Variants in LAMC2 observed in about 807,000 individuals in gnomAD.
The protein encoded by LAMC2 is laminin subunit gamma 2.
In LAMC2, 97 loss-of-function variants were observed where a neutral mutation model predicts 140.2. That is an observed-to-expected ratio of 0.69 (90% CI 0.59 to 0.82). LAMC2 has a LOEUF of 0.82. LAMC2 is among the 40% of genes least tolerant of loss of function. The probability of loss-of-function intolerance (pLI) is 0.00; values close to 1 mark genes in which losing one functional copy is unlikely to be tolerated. For missense variants in LAMC2, 1,402 were observed against 1,476.1 expected (o/e 0.95, Z 0.82); for synonymous variants, 513 against 540.2 (o/e 0.95, Z 0.70).
chr1:183,210,272 A>T (rs1659031523), intron 2 of LAMC2, among the ~76,000 whole-genome samples: 2 of 152,180 alleles, frequency 1.3e-5, no homozygotes, highest in African/African-American at 4.8e-5. Flanking sequence ...GCAAATCTGG[A>T]CACAACCACC....
intron 1 of LAMC2, among the ~76,000 whole-genome samples, chr1:183,197,592 C>T (rs1233035967): frequency 4.0e-5 from 6 of 151,370 alleles, no homozygotes; most frequent in South Asian, 4.2e-4. Flanking sequence ...AGGAGAATGG[C>T]GTGAACCTGG....
chr1:183,237,627 C>T (rs1407714393), intron 18 of LAMC2, 123 bp downstream of exon 18: 1 of 1,045,962 alleles, frequency 9.6e-7, no homozygotes, highest in Non-Finnish European at 1.4e-6. Flanking sequence ...CCCTGTAATC[C>T]CCGCACTTTT....
chr1:183,236,050 AT>A (rs1659951940), intron 16 of LAMC2, among the ~76,000 whole-genome samples: 1 of 152,092 alleles, frequency 6.6e-6, no homozygotes. Context: ...ACAGAAATAT[AT>A]TTCTGTTATC....
At chr1:183,190,399 G>A (rs560226195) in intron 1 of LAMC2, among the ~76,000 whole-genome samples, 1 of 152,046 alleles carries the variant, frequency 6.6e-6, no homozygotes, top group African/African-American at 2.4e-5. Context: ...TTCTGCTCAA[G>A]CAGACATGAG....
At chr1:183,256,869 A>G in the LAMC2 span, among the ~76,000 whole-genome samples, 1 of 152,022 alleles carries the variant, frequency 6.6e-6, no homozygotes, top group Non-Finnish European at 1.5e-5. Context: ...CTTCTGCCTC[A>G]GCCTCCCAAG....
intron 1 of LAMC2, among the ~76,000 whole-genome samples, chr1:183,195,627 G>A (rs895983082): frequency 6.6e-6 from 1 of 152,100 alleles, no homozygotes; most frequent in African/African-American, 2.4e-5. Context: ...TGGCTGTGGT[G>A]GCTTAAAATG....
Position 183,236,512 on chromosome 1 carries a change from G to A in LAMC2, c.2509G>A (p.Ala837Thr), listed in dbSNP as rs1472208749. 2 of 1,613,772 alleles carry A rather than the reference G, an allele frequency of 1.2e-6. No individual in the cohort carries two copies. Among genetic ancestry groups the A allele is most frequent in the Non-Finnish European group, 1.7e-6 (2 of 1,179,958 alleles). The change falls in exon 17 of 23, where the codon GCG becomes ACG. Residue 837 changes from alanine to threonine, a missense_variant. This residue lies in a region of LAMC2 where 670 missense variants were observed against 667.2 expected (regional missense o/e 1.00). Coordinates refer to ENST00000264144, the MANE Select transcript of LAMC2 (RefSeq NM_005562.3). ...AQQLTREATQ[A>T]EIEADRSYQH... ...GCAGTTGACAAGGGAGGCCACTCAA[G>A]CGGAAATTGAAGCAGATAGGTCTTA... is the stretch of plus-strand genomic sequence containing the variant.
the LAMC2 span, among the ~76,000 whole-genome samples, chr1:183,253,780 G>A: frequency 6.6e-6 from 1 of 152,154 alleles, no homozygotes; most frequent in Non-Finnish European, 1.5e-5. Flanking sequence ...ACATATAAGT[G>A]AAATCATGCA....
In LAMC2 at chr1:183,186,404, G is replaced by A. The variant is rs1558075242; in HGVS notation, c.52G>A (p.Ala18Thr). The change falls in exon 1 of 23, where the codon GCA (alanine) becomes ACA (threonine). Residue 18 changes from alanine to threonine, a missense_variant. This residue lies in a region of LAMC2 where 723 missense variants were observed against 783.3 expected (regional missense o/e 0.92). Coordinates refer to ENST00000264144, the MANE Select transcript of LAMC2 (RefSeq NM_005562.3). ...CCTCTGCTTCTCGCTCCTCCTGCCC[G>A]CAGCCCGGGCCACCTCCAGGAGGGA... ...CCLCFSLLLP[A>T]ARATSRREVC... 1 of 1,605,386 alleles carries A rather than the reference G, an allele frequency of 6.2e-7. No individual in the cohort carries two copies. Among genetic ancestry groups the A allele is most frequent in the South Asian group, 1.1e-5 (1 of 90,982 alleles).
rs978861009 is a variant in LAMC2 at position 183,228,772 on chromosome 1, T to C, written c.1714+153T>C. On this transcript the variant is annotated intron_variant, in intron 11 of 22. Transcript: ENST00000264144. This position sits in a 1 kb window ranked among gnomAD's most constrained non-coding sequence, Gnocchi z 4.3. ...TGTGAGCACCCTGGGCCTTTCTTCC[T>C]CTGTCAAAGGCCTTAAGACAGGTTT... 2.0e-5 allele frequency among the ~76,000 whole-genome samples: 3 copies of C among 152,148 alleles called. No individual in the cohort carries two copies. The highest frequency in any genetic ancestry group is 7.2e-5 in the African/African-American group (3 of 41,444).
downstream of LAMC2, among the ~76,000 whole-genome samples, chr1:183,247,544 A>AT (rs1459533558): frequency 5.9e-5 from 9 of 151,370 alleles, no homozygotes; most frequent in East Asian, 1.7e-3. Context: ...AAAAAAAAAA[A>AT]GATAAAAGAA....
At chr1:183,254,875 A>C in the LAMC2 span, among the ~76,000 whole-genome samples, 1 of 152,052 alleles carries the variant, frequency 6.6e-6, no homozygotes, top group Non-Finnish European at 1.5e-5. Flanking sequence ...TTGCCTTTTC[A>C]TTTTGTTGGT....
In LAMC2 at chr1:183,201,601, GA is replaced by G. The variant is rs537778274; in HGVS notation, c.80-6275del. 4.1e-3 allele frequency among the ~76,000 whole-genome samples: 631 copies of G among 152,272 alleles called. 13 individuals are homozygous for G. Among genetic ancestry groups the G allele is most frequent in the African/African-American group, 0.014 (581 of 41,556 alleles). The stretch of plus-strand genomic sequence containing the variant: ...TGCTTGACACAGGCAAATATCTTTG[GA>G]AAAATAAAACATTAGCAACCCCCTT... On this transcript the variant is annotated intron_variant, in intron 1 of 22. Transcript: ENST00000264144.
At chr1:183,246,465 C>T (rs1409152930), downstream of LAMC2, among the ~76,000 whole-genome samples, 1 of 152,154 alleles carries the variant, frequency 6.6e-6, no homozygotes, top group Admixed American at 6.5e-5. Flanking sequence ...TTGCACTTCT[C>T]CTCTGAGAGT....
At chr1:183,250,256 G>A in the LAMC2 span, 4 of 152,172 alleles carry the variant, frequency 2.6e-5, no homozygotes, top group African/African-American at 7.2e-5. Context: ...GCACTCTGTG[G>A]GTCTTCCTTC....
chr1:183,188,013 A>T (rs189682012), intron 1 of LAMC2, among the ~76,000 whole-genome samples: 84 of 152,366 alleles, frequency 5.5e-4, no homozygotes, highest in African/African-American at 2.0e-3. Context: ...TTAGGGAACA[A>T]AAATAAATAT....
chr1:183,239,595 A>G (rs1451967711), intron 20 of LAMC2, 32 bp downstream of exon 20: 1 of 1,562,698 alleles, frequency 6.4e-7, no homozygotes, highest in Non-Finnish European at 8.8e-7. Flanking sequence ...TGTTGGTGCC[A>G]GTAGCACCAA....
the LAMC2 span, among the ~76,000 whole-genome samples, chr1:183,257,124 T>C: frequency 6.6e-6 from 1 of 152,110 alleles, no homozygotes; most frequent in Non-Finnish European, 1.5e-5. Context: ...GAGGTATTCC[T>C]TCCAGCTGTA....
chr1:183,193,210 C>A (rs1658400758), intron 1 of LAMC2, among the ~76,000 whole-genome samples: 1 of 152,168 alleles, frequency 6.6e-6, no homozygotes, highest in African/African-American at 2.4e-5. Flanking sequence ...GGGGCATTAA[C>A]AAGAGAACAG....
Sources: gnomAD v4.1 joint callset for allele counts (sites outside exome capture counted in the v4.1 genomes callset) on GRCh38, gnomAD v4.1.1 for gene constraint, gnomAD v4.1.1 regional missense constraint, Gnocchi (gnomAD v3.1) non-coding constraint, MANE v1.5 for transcripts, NCBI Gene and HGNC (gene_info 2026-07-23, HGNC 2026-07-21) for gene names.